Variants in DUOX2 observed in about 807,000 individuals in gnomAD.
DUOX2 encodes dual oxidase 2.
DUOX2 carries 185 observed loss-of-function variants against 183.3 expected under a neutral mutation model. The observed-to-expected ratio is 1.01, with a 90% CI of 0.90 to 1.14. DUOX2 has a LOEUF of 1.14. Among genes scored for constraint, DUOX2 ranks in the 50% most tolerant of loss-of-function variants. DUOX2 has a pLI of 0.00. For synonymous variants in DUOX2, 788 were observed against 812.4 expected, an observed-to-expected ratio of 0.97 and a Z score of 0.51; for missense variants, 1,999 against 2,022.9, an observed-to-expected ratio of 0.99 and a Z score of 0.23.
intron 26 of DUOX2, chr15:45,099,119 T>C (rs1893985017): frequency 2.6e-6 from 1 of 386,888 alleles, no homozygotes; most frequent in South Asian, 2.2e-5. Context: ...CATGCCATTC[T>C]CCTGCCTCAG....
rs778274334 is a variant in DUOX2, at chr15:45,110,535, G to A, written c.944-11C>T. 5.6e-6 allele frequency: 9 copies of A among 1,614,158 alleles called. No individual in the cohort carries two copies. The Middle Eastern group carries it at 4.9e-4, about 89-fold the overall frequency. On this transcript the variant is annotated splice_polypyrimidine_tract_variant and intron_variant, in intron 8 of 33. Coordinates refer to ENST00000389039, the MANE Select transcript of DUOX2 (RefSeq NM_001363711.2). ...GGAAAGGACGGTATCCTGCAGGAAG[G>A]AGACGGTGATGATGGGGAGACAGGC...
intron 10 of DUOX2, 77 bp from the exon 11 acceptor site, chr15:45,109,703 C>G: frequency 6.7e-7 from 1 of 1,499,820 alleles, no homozygotes; most frequent in Non-Finnish European, 9.3e-7. Flanking sequence ...CTTTAGTACC[C>G]CAGGACAAAG....
chr15:45,112,425 G>A, intron 4 of DUOX2, 129 bp downstream of exon 4: 1 of 1,163,752 alleles, frequency 8.6e-7, no homozygotes, highest in East Asian at 2.5e-5. Flanking sequence ...CAGTCTCGAA[G>A]TGCTGCGTAG....
chr15:45,094,325 T>C, intron 33 of DUOX2, 53 bp from the exon 34 acceptor site: 1 of 1,612,982 alleles, frequency 6.2e-7, no homozygotes, highest in Non-Finnish European at 8.5e-7. Context: ...GTGCTCACTC[T>C]CCTTGGGAAA....
In DUOX2 at chr15:45,106,481, C is replaced by G. The variant is rs202205165; in HGVS notation, c.1945+47G>C. On this transcript the variant is annotated intron_variant, in intron 16 of 33. Transcript: ENST00000389039. ...GGTTCTTTCTCCCAGACTCCTGTCT[C>G]TCCCCTCCTCCGTCCCTCCTCCCTC... The G allele has an allele frequency of 5.6e-6, 9 of 1,604,596 alleles. No individual in the cohort carries two copies. The Admixed American group carries it at 1.3e-4, about 24-fold the overall frequency.
At chr15:45,112,893 G>GCGCGTGTTCCC (rs1246474273) in intron 3 of DUOX2, 94 bp downstream of exon 3, 1 of 1,553,296 alleles carries the variant, frequency 6.4e-7, no homozygotes, top group Admixed American at 1.7e-5. Flanking sequence ...GAGCTGCTGG[G>GCGCGTGTTCCC]CGCGTGTTCC....
intron 14 of DUOX2, 123 bp downstream of exon 14, chr15:45,107,222 G>A (rs544333551): frequency 1.1e-5 from 15 of 1,344,910 alleles, no homozygotes; most frequent in Non-Finnish European, 1.6e-5. Flanking sequence ...CCAAATGCAG[G>A]CCTCCTAGCC....
In DUOX2 at chr15:45,111,964, A is replaced by G. The variant is rs776713077; in HGVS notation, c.326-9T>C. The G allele has an allele frequency of 1.2e-6, 2 of 1,613,042 alleles. No individual in the cohort carries two copies. Among genetic ancestry groups the G allele is most frequent in the South Asian group, 2.2e-5 (2 of 90,968 alleles). On this transcript the variant is annotated splice_polypyrimidine_tract_variant and intron_variant, in intron 4 of 33. Transcript: ENST00000389039. Reference sequence around the variant, plus strand: ...GGAAAGAACATGGTAGCCTGCGGGCATGGGGCGCCAATACGTGACAAACCG... The same window carrying G: ...GGAAAGAACATGGTAGCCTGCGGGCGTGGGGCGCCAATACGTGACAAACCG...
chr15:45,095,964 T>C lies in DUOX2; in HGVS notation c.3944A>G (p.Tyr1315Cys), dbSNP rs1172687854. 1.2e-6 allele frequency: 2 copies of C among 1,613,644 alleles called. No homozygotes were observed. Among genetic ancestry groups the C allele is most frequent in the Admixed American group, 3.3e-5 (2 of 59,984 alleles). The change falls in exon 30 of 34, where the codon TAC becomes TGC. Residue 1315 changes from tyrosine (Y) to cysteine (C), a missense_variant. By Grantham distance (194) the Tyr-to-Cys change is radical. This residue lies in a region of DUOX2 where 1,628 missense variants were observed against 1,608.6 expected (regional missense o/e 1.01). Transcript: ENST00000389039. ...CGCGGAGGTCAGTGTGAAGGGGTGG[T>C]ACTCGGTGGTCCCCAGAGCCAGGCA... is the stretch of plus-strand genomic sequence containing the variant. ...IACLALGTTE[Y>C]HPFTLTSAPH...
chr15:45,094,132 C>T lies in DUOX2; in HGVS notation c.*18G>A. On this transcript the variant is annotated 3_prime_UTR_variant, in exon 34 of 34. Transcript: ENST00000389039. ...AGAGAAGGCAGGATACTGGAAGCAGCAGCCAGGGAGGACAGGCTCAGAAGT... is the reference window on the plus strand; with the variant it reads ...AGAGAAGGCAGGATACTGGAAGCAGTAGCCAGGGAGGACAGGCTCAGAAGT... 2 of 1,614,128 alleles carry T rather than the reference C, an allele frequency of 1.2e-6. No homozygotes were observed. The highest frequency in any genetic ancestry group is 1.7e-6 in the Non-Finnish European group (2 of 1,180,022).
chr15:45,110,726 G>C lies in DUOX2; in HGVS notation c.883-16C>G. ...CAGCGATGTTCTGAGGGGCAGAGAGGGGCGAGGGGAGGCACAAGTTGGATG... is the reference window on the plus strand; with the variant it reads ...CAGCGATGTTCTGAGGGGCAGAGAGCGGCGAGGGGAGGCACAAGTTGGATG... On this transcript the variant is annotated splice_polypyrimidine_tract_variant and intron_variant, in intron 7 of 33. Coordinates refer to ENST00000389039, the MANE Select transcript of DUOX2 (RefSeq NM_001363711.2). 6.2e-7 allele frequency: 1 copy of C among 1,612,122 alleles called. No homozygotes were observed.
Position 45,095,610 on chromosome 15 carries a change from G to C in DUOX2, c.4081-15C>G. On this transcript the variant is annotated splice_polypyrimidine_tract_variant and intron_variant, in intron 30 of 33. Transcript: ENST00000389039. ...TCAAGGTACAGCTGCCAAGAGAGGG[G>C]GGAGATGAAATGAGCCTGACCCTGC... 1 of 1,614,206 alleles carries C rather than the reference G, an allele frequency of 6.2e-7. No individual in the cohort carries two copies. Among genetic ancestry groups the C allele is most frequent in the Non-Finnish European group, 8.5e-7 (1 of 1,180,028 alleles).
chr15:45,109,607 G>A lies in DUOX2; in HGVS notation c.1151C>T (p.Thr384Ile), dbSNP rs933007835. ...WIRENPNLNS[T>I]QEVNELLLGM... The stretch of plus-strand genomic sequence containing the variant: ...CAGCAGCAGCTCATTCACCTCCTGG[G>A]TACTGTTCAGATTGGGGTTCTGGAA... The change falls in exon 11 of 34, where the codon ACC (threonine) becomes ATC (isoleucine). Residue 384 changes from threonine to isoleucine, a missense_variant. This residue lies in a region of DUOX2 where 1,628 missense variants were observed against 1,608.6 expected (regional missense o/e 1.01). Transcript: ENST00000389039. 6.2e-7 allele frequency: 1 copy of A among 1,614,042 alleles called. No individual in the cohort carries two copies. Among genetic ancestry groups the A allele is most frequent in the Non-Finnish European group, 8.5e-7 (1 of 1,180,004 alleles).
intron 13 of DUOX2, 46 bp downstream of exon 13, chr15:45,108,001 C>T (rs1194687203): frequency 6.2e-7 from 1 of 1,612,338 alleles, no homozygotes; most frequent in Non-Finnish European, 8.5e-7. Flanking sequence ...GGGTCTGGGG[C>T]TCAGGCTGAG....
intron 27 of DUOX2, 51 bp from the exon 28 acceptor site, chr15:45,097,792 G>C: frequency 6.2e-7 from 1 of 1,613,814 alleles, no homozygotes; most frequent in Non-Finnish European, 8.5e-7. Flanking sequence ...TTCAGCTTGG[G>C]CTGAAAAGAC....
chr15:45,096,906 T>C (rs1893917934), intron 29 of DUOX2, among the ~76,000 whole-genome samples: 1 of 152,140 alleles, frequency 6.6e-6, no homozygotes, highest in Non-Finnish European at 1.5e-5. Flanking sequence ...GGGACAGGCA[T>C]ATGTGGCTTC....
intron 29 of DUOX2, 116 bp downstream of exon 29, chr15:45,097,121 GT>G: frequency 1.3e-6 from 2 of 1,493,484 alleles, no homozygotes; most frequent in Non-Finnish European, 1.8e-6. Flanking sequence ...TGTTGTTGTT[GT>G]TTTTGGAGAC....
In DUOX2 at chr15:45,111,937, TCGGAAAGAACATGGTAGCCTG is replaced by T. The variant is rs1447014752; in HGVS notation, c.326-3_343del. On this transcript the variant is annotated splice_acceptor_variant and splice_polypyrimidine_tract_variant and coding_sequence_variant and intron_variant, in exon 5 of 34. Coordinates refer to ENST00000389039, the MANE Select transcript of DUOX2 (RefSeq NM_001363711.2). LOFTEE classifies it high-confidence loss of function. Reference sequence around the variant, plus strand: ...ACCGGGCGTTTCCACGCTCACCACGTCGGAAAGAACATGGTAGCCTGCGGGCATGGGGCGCCAATACGTGAC... The same window carrying T: ...ACCGGGCGTTTCCACGCTCACCACGTCGGGCATGGGGCGCCAATACGTGAC... 1 of 1,613,520 alleles carries T rather than the reference TCGGAAAGAACATGGTAGCCTG, an allele frequency of 6.2e-7. No individual in the cohort carries two copies. The highest frequency in any genetic ancestry group is 1.7e-5 in the Admixed American group (1 of 59,998).
In DUOX2 at chr15:45,101,051, TGA is replaced by T. The variant is rs1331967089; in HGVS notation, c.2921+152_2921+153del. ...AGCCAAGCATCCGAGCAGCATAGGG[TGA>T]GAGAGGCAGCTGGAATGTTTGTGCT... On this transcript the variant is annotated intron_variant, in intron 22 of 33. Coordinates refer to ENST00000389039, the MANE Select transcript of DUOX2 (RefSeq NM_001363711.2). 50 of 758,254 alleles carry T rather than the reference TGA, an allele frequency of 6.6e-5. No individual in the cohort carries two copies. The South Asian group carries it at 6.8e-4, about 10-fold the overall frequency. The allele number at this position is 758,254 out of a possible 1,614,324, so 47.0% of individuals were successfully genotyped here.
Sources: gnomAD v4.1 joint callset for allele counts (sites outside exome capture counted in the v4.1 genomes callset) on GRCh38, gnomAD v4.1.1 for gene constraint, gnomAD v4.1.1 regional missense constraint, MANE v1.5 for transcripts, NCBI Gene and HGNC (gene_info 2026-07-23, HGNC 2026-07-21) for gene names.